The following ANKRD31 variants were observed in gnomAD, a reference collection of about 807,000 sequenced individuals.
The protein encoded by ANKRD31 is ankyrin repeat domain-containing protein 31.
In ANKRD31, 147 loss-of-function variants were observed where a neutral mutation model predicts 186.0. The ratio of observed to expected loss-of-function variants is 0.79; its 90% confidence interval spans 0.69 to 0.91. The LOEUF (loss-of-function observed/expected upper bound fraction) is 0.91. Among genes scored for constraint, ANKRD31 ranks in the 40% least tolerant of loss-of-function variants. ANKRD31 has a pLI of 0.00. For missense variants in ANKRD31, 1,986 were observed against 2,148.8 expected, an observed-to-expected ratio of 0.92 and a Z score of 1.50; for synonymous variants, 673 against 736.4, an observed-to-expected ratio of 0.91 and a Z score of 1.39.
At chr5:75,129,807 G>A (rs773690465) in intron 17 of ANKRD31, among the ~76,000 whole-genome samples, 1 of 152,216 alleles carries the variant, frequency 6.6e-6, no homozygotes, top group South Asian at 2.1e-4. Flanking sequence ...GCAGCCCACG[G>A]AGTGTGAGCC....
rs542573433 is a variant in ANKRD31 at position 75,179,889 on chromosome 5, C to G, written c.1564+8604G>C. 3.3e-5 allele frequency among the ~76,000 whole-genome samples: 5 copies of G among 152,214 alleles called. No homozygotes were observed. The South Asian group carries it at 1.0e-3, about 32-fold the overall frequency. ...TTTTGGAAGTTCTGGCCAGGGCAAT[C>G]AGGCAGGAGAAGGAAATAAAGGGCA... On this transcript the variant is annotated intron_variant, in intron 10 of 25. Transcript: ENST00000506364.
At chr5:75,232,765 C>G (rs1470112907) in intron 1 of ANKRD31, among the ~76,000 whole-genome samples, 1 of 152,158 alleles carries the variant, frequency 6.6e-6, no homozygotes, top group Admixed American at 6.5e-5. Flanking sequence ...AAATAAGCCA[C>G]TGTGACATAC....
At chr5:75,186,426 C>T (rs1754716847) in intron 10 of ANKRD31, among the ~76,000 whole-genome samples, 1 of 152,182 alleles carries the variant, frequency 6.6e-6, no homozygotes, top group Non-Finnish European at 1.5e-5. Context: ...AGTTTTGTCT[C>T]TCATATTTTA....
chr5:75,105,537 C>T (rs1247689088), intron 21 of ANKRD31, among the ~76,000 whole-genome samples: 2 of 151,932 alleles, frequency 1.3e-5, no homozygotes, highest in African/African-American at 2.4e-5. Context: ...AAAAGACAAA[C>T]AAAACTTGGA....
chr5:75,212,925 A>G (rs1301295244), intron 3 of ANKRD31, among the ~76,000 whole-genome samples: 1 of 152,214 alleles, frequency 6.6e-6, no homozygotes, highest in Non-Finnish European at 1.5e-5. Context: ...ACACTAATAC[A>G]ATACAGAGCT....
Position 75,148,609 on chromosome 5 carries a change from G to A in ANKRD31, c.1872C>T (p.Asp624=), listed in dbSNP as rs1167422376. ...GGTACACATCCTCTATGTCTAGTGG[G>A]TCAATGCTACTCCTTTGAGCTGTAA... ...CLTSAQRSSI[D]PLDIEDVYQH... is the part of the protein sequence containing the mutation. The change falls in exon 13 of 26, where the codon GAC becomes GAT. Residue 624 remains aspartate, a synonymous_variant. Coordinates refer to ENST00000506364, the MANE Select transcript of ANKRD31 (RefSeq NM_001372053.1). 1.3e-6 allele frequency: 2 copies of A among 1,525,440 alleles called. No individual in the cohort carries two copies. Among genetic ancestry groups the A allele is most frequent in the Middle Eastern group, 1.7e-4 (1 of 5,872 alleles). 94.5% of individuals were successfully genotyped at this position (1,525,440 alleles called of 1,614,324 possible).
In ANKRD31 at chr5:75,192,594, G is replaced by C. The variant is rs886598900; in HGVS notation, c.1408+73C>G. 7 of 1,203,378 alleles carry C rather than the reference G, an allele frequency of 5.8e-6. No homozygotes were observed. In the Admixed American group the frequency reaches 9.8e-5, roughly 17 times the overall value. The allele number at this position is 1,203,378 out of a possible 1,614,324, so 74.5% of individuals were successfully genotyped here. A position where few individuals can be genotyped will look rare whatever the true frequency, so the allele number is the denominator to read the frequency against. On this transcript the variant is annotated intron_variant, in intron 9 of 25. Transcript: ENST00000506364. The stretch of plus-strand genomic sequence containing the variant: ...TCAGCAAAATTAGAAAGTTGAGAAA[G>C]ATAATCTCTGAATCCTTTCTACCAA...
intron 22 of ANKRD31, among the ~76,000 whole-genome samples, chr5:75,100,274 T>C (rs916014644): frequency 6.6e-6 from 1 of 152,242 alleles, no homozygotes; most frequent in South Asian, 2.1e-4. Flanking sequence ...TTGATTGCAC[T>C]GTGGTCTGAG....
At chr5:75,152,386 A>G (rs1341496751) in intron 12 of ANKRD31, among the ~76,000 whole-genome samples, 1 of 152,074 alleles carries the variant, frequency 6.6e-6, no homozygotes, top group Non-Finnish European at 1.5e-5. Context: ...ACTACAGGAC[A>G]TGTAGGGAGG....
At chr5:75,121,502 A>T (rs1313064478) in intron 17 of ANKRD31, among the ~76,000 whole-genome samples, 3 of 152,160 alleles carry the variant, frequency 2.0e-5, no homozygotes, top group Non-Finnish European at 4.4e-5. Context: ...ATCGCAGAAT[A>T]TACCTTCTTC....
At chr5:75,069,221 A>C (rs375363771) in intron 25 of ANKRD31, among the ~76,000 whole-genome samples, 1 of 151,882 alleles carries the variant, frequency 6.6e-6, no homozygotes, top group Non-Finnish European at 1.5e-5. Context: ...CTGCCAGTCT[A>C]TGGGGCTAAT....
chr5:75,120,106 T>C (rs1748636840), intron 17 of ANKRD31, among the ~76,000 whole-genome samples: 1 of 152,076 alleles, frequency 6.6e-6, no homozygotes, highest in African/African-American at 2.4e-5. Context: ...TAGATTATGG[T>C]ATAAGTCAGC....
intron 17 of ANKRD31, among the ~76,000 whole-genome samples, chr5:75,137,195 T>C (rs998698107): frequency 6.6e-6 from 1 of 152,064 alleles, no homozygotes; most frequent in African/African-American, 2.4e-5. Flanking sequence ...ATTAAAAATA[T>C]TTTATTATAA....
intron 20 of ANKRD31, among the ~76,000 whole-genome samples, chr5:75,109,695 G>C (rs112899807): frequency 6.6e-6 from 1 of 152,162 alleles, no homozygotes; most frequent in South Asian, 2.1e-4. Context: ...GCTGAGCTGA[G>C]AAGTAATTGT....
chr5:75,228,347 T>C (rs1044885561), intron 2 of ANKRD31, among the ~76,000 whole-genome samples: 1 of 152,228 alleles, frequency 6.6e-6, no homozygotes, highest in Admixed American at 6.5e-5. Flanking sequence ...CATTTATCGT[T>C]GCAAAACCAA....
intron 22 of ANKRD31, among the ~76,000 whole-genome samples, chr5:75,096,985 T>C (rs1746381465): frequency 6.6e-6 from 1 of 152,226 alleles, no homozygotes; most frequent in Non-Finnish European, 1.5e-5. Flanking sequence ...ACAAAGGACA[T>C]GAACTCATCT....
chr5:75,100,907 C>A (rs1746805939), intron 22 of ANKRD31, among the ~76,000 whole-genome samples: 1 of 152,174 alleles, frequency 6.6e-6, no homozygotes, highest in African/African-American at 2.4e-5. Flanking sequence ...TTAATTGGAG[C>A]ATTTAGTCCA....
intron 17 of ANKRD31, among the ~76,000 whole-genome samples, chr5:75,128,312 G>A (rs1749422620): frequency 8.1e-6 from 1 of 123,752 alleles, no homozygotes; most frequent in Non-Finnish European, 1.6e-5. Context: ...AATGTAGATG[G>A]TGGGTTGATG....
At chr5:75,204,107 T>A (rs1052204728) in intron 5 of ANKRD31, among the ~76,000 whole-genome samples, 1 of 152,218 alleles carries the variant, frequency 6.6e-6, no homozygotes, top group Non-Finnish European at 1.5e-5. Flanking sequence ...TAAACATTGA[T>A]AACAAACTTA....
Sources: gnomAD v4.1 joint callset for allele counts (sites outside exome capture counted in the v4.1 genomes callset) on GRCh38, gnomAD v4.1.1 for gene constraint, MANE v1.5 for transcripts, NCBI Gene and HGNC (gene_info 2026-07-23, HGNC 2026-07-21) for gene names.